The following ACOT11 variants were observed in gnomAD, a reference collection of about 807,000 sequenced individuals.
ACOT11 encodes acyl-CoA thioesterase 11, also known as acyl-coenzyme A thioesterase 11.
Under a neutral mutation model 77.5 loss-of-function variants are expected in ACOT11, and 69 were observed. That is an observed-to-expected ratio of 0.89 (90% CI 0.73 to 1.09). ACOT11 has a LOEUF of 1.09. Among genes scored for constraint, ACOT11 ranks in the 50% least tolerant of loss-of-function variants. ACOT11 has a pLI of 0.00. For synonymous variants in ACOT11, 279 were observed against 313.0 expected (o/e 0.89, Z 1.15); for missense variants, 766 against 813.7 (o/e 0.94, Z 0.71).
intron 1 of ACOT11, among the ~76,000 whole-genome samples, chr1:54,554,160 C>T (rs759974971): frequency 6.6e-6 from 1 of 150,754 alleles, no homozygotes; most frequent in Non-Finnish European, 1.5e-5. Flanking sequence ...AGAGCCAGAC[C>T]CTGTCACACA....
Position 54,628,601 on chromosome 1 carries a change from C to G in ACOT11, c.1630-2133C>G, listed in dbSNP as rs1013710846. ...CAGAGCAAGACCCCATCGCCCCCCC[C>G]CCCCAAAAAAGGAAAAAAGAAACCC... On this transcript the variant is annotated intron_variant, in intron 15 of 16. Transcript: ENST00000371316. Among the ~76,000 whole-genome samples the G allele has an allele frequency of 1.5e-4, 18 of 123,602 alleles. 3 individuals carry two copies. The highest frequency in any genetic ancestry group is 2.9e-4 in the South Asian group (1 of 3,414). The allele number at this position is 123,602 out of a possible 152,430, so 81.1% of individuals were successfully genotyped here.
rs1220165976 is a variant in ACOT11, at chr1:54,601,281, C to T, written c.897C>T (p.Gly299=). Residue 299 remains glycine (G), a synonymous_variant, in exon 9 of 16, where the codon GGC becomes GGT. Transcript: ENST00000343744. ...NNAFKHSMEV[G]VCVEAYRQEA... ...TCCCTCCCCTCAGCATGGAGGTGGG[C>T]GTGTGCGTGGAGGCCTATCGCCAGG... 8.1e-6 allele frequency: 13 copies of T among 1,611,346 alleles called. No individual in the cohort carries two copies. The highest frequency in any genetic ancestry group is 5.3e-5 in the African/African-American group (4 of 74,904).
intron 1 of ACOT11, among the ~76,000 whole-genome samples, chr1:54,579,949 C>T (rs1386203742): frequency 2.0e-5 from 3 of 152,168 alleles, no homozygotes; most frequent in Non-Finnish European, 4.4e-5. Flanking sequence ...GGGTCCCTCC[C>T]AGCTGTATTT....
intron 1 of ACOT11, among the ~76,000 whole-genome samples, chr1:54,578,025 C>A (rs1019244403): frequency 7.2e-5 from 11 of 152,226 alleles, no homozygotes; most frequent in African/African-American, 2.4e-4. Context: ...ATGCTTCCCC[C>A]TACCCAGGCT....
At chr1:54,615,932 GACT>G in intron 15 of ACOT11, 2 of 1,391,168 alleles carry the variant, frequency 1.4e-6, no homozygotes, top group Non-Finnish European at 2.0e-6. Context: ...GTCAGGGCTG[GACT>G]TGCTTCCCAG....
At chr1:54,608,918 C>T (rs1243284835) in intron 15 of ACOT11, 39 bp from the exon 16 acceptor site, 13 of 1,604,460 alleles carry the variant, frequency 8.1e-6, no homozygotes, top group Middle Eastern at 3.3e-4. Flanking sequence ...GGACCCTCCC[C>T]TAGCTTGGTC....
chr1:54,564,393 C>T (rs1178452133), intron 1 of ACOT11, among the ~76,000 whole-genome samples: 7 of 148,454 alleles, frequency 4.7e-5, no homozygotes, highest in African/African-American at 1.5e-4. Context: ...AGGTTGCCTG[C>T]GGGGGGTGGG....
In ACOT11 at chr1:54,629,042, G is replaced by C. The variant is rs1342640031; in HGVS notation, c.1630-1692G>C. ...CTGCCGCACTCCAGCCTGGGCGACA[G>C]AGCAAGACTCCGTCTCAAAAAAAAA... On this transcript the variant is annotated intron_variant, in intron 15 of 16. Transcript: ENST00000371316. 3.0e-5 allele frequency among the ~76,000 whole-genome samples: 3 copies of C among 101,426 alleles called. 1 individual carries two copies. The highest frequency in any genetic ancestry group is 1.0e-4 in the African/African-American group (3 of 30,048). 66.5% of individuals were successfully genotyped at this position (101,426 alleles called of 152,430 possible). A position where few individuals can be genotyped will look rare whatever the true frequency, so the allele number is the denominator to read the frequency against.
At chr1:54,610,398 A>C (rs898687109), downstream of ACOT11, 2 of 1,611,022 alleles carry the variant, frequency 1.2e-6, no homozygotes, top group African/African-American at 2.7e-5. Flanking sequence ...CCGGGGCTGA[A>C]GGGTAGACCT....
At chr1:54,617,018 T>C (rs747436991) in intron 15 of ACOT11, among the ~76,000 whole-genome samples, 9 of 152,194 alleles carry the variant, frequency 5.9e-5, no homozygotes, top group African/African-American at 9.6e-5. Flanking sequence ...GGGTCATTTT[T>C]AAAGCCCATG....
rs1654653524 is a variant in ACOT11, at chr1:54,590,078, ACT to A, written c.312-2465_312-2464del. On this transcript the variant is annotated intron_variant, in intron 3 of 15. Transcript: ENST00000343744. ...ACTCCAGCCTGGGCAATAGAGCGAG[ACT>A]CTGTCTCAAAAAAAAAAAAACAAAA... is the stretch of plus-strand genomic sequence containing the variant. Among the ~76,000 whole-genome samples the A allele has an allele frequency of 4.1e-5, 6 of 147,630 alleles. No homozygotes were observed. In the South Asian group the frequency reaches 1.3e-3, roughly 32 times the overall value.
intron 1 of ACOT11, among the ~76,000 whole-genome samples, chr1:54,552,241 T>C (rs1161624823): frequency 6.6e-6 from 1 of 152,176 alleles, no homozygotes; most frequent in East Asian, 1.9e-4. Context: ...CCCGTCTCTC[T>C]TGAGGACCCT....
intron 15 of ACOT11, among the ~76,000 whole-genome samples, chr1:54,622,577 A>T (rs1241742284): frequency 6.6e-6 from 1 of 151,976 alleles, no homozygotes; most frequent in Admixed American, 6.6e-5. Flanking sequence ...TCAAAAAAAA[A>T]AACCACAAAA....
At chr1:54,638,347 A>G (rs1644342515) in exon 17 of ACOT11, 1 of 152,218 alleles carries the variant, frequency 6.6e-6, no homozygotes, top group Non-Finnish European at 1.5e-5. Flanking sequence ...AAACAAAACT[A>G]AAGGAGTTTA....
At chr1:54,586,913 C>T (rs867662525) in intron 3 of ACOT11, among the ~76,000 whole-genome samples, 2 of 152,168 alleles carry the variant, frequency 1.3e-5, no homozygotes, top group Non-Finnish European at 2.9e-5. Flanking sequence ...TGTCTCTGGG[C>T]CTGATCCTAA....
intron 1 of ACOT11, among the ~76,000 whole-genome samples, chr1:54,579,231 C>T (rs1305479678): frequency 6.8e-6 from 1 of 146,312 alleles, no homozygotes; most frequent in Admixed American, 6.6e-5. Flanking sequence ...CCACTACTAC[C>T]CTTTTTTTTT....
chr1:54,604,906 G>A (rs56706535), intron 12 of ACOT11, among the ~76,000 whole-genome samples, 170 bp from the exon 13 acceptor site: 3,956 of 152,234 alleles, frequency 0.026, 76 homozygotes, highest in East Asian at 0.058. Flanking sequence ...GTCCATTTGT[G>A]CTGAATTCAT....
At chr1:54,625,068 G>C (rs950789772) in intron 15 of ACOT11, among the ~76,000 whole-genome samples, 16 of 137,790 alleles carry the variant, frequency 1.2e-4, no homozygotes, top group African/African-American at 3.6e-4. Flanking sequence ...GCTGTGGGCT[G>C]CTAGATGGAC....
At chr1:54,622,867 G>A (rs182502719) in intron 15 of ACOT11, among the ~76,000 whole-genome samples, 4 of 152,106 alleles carry the variant, frequency 2.6e-5, no homozygotes, top group Middle Eastern at 3.4e-3. Flanking sequence ...GGCTTGGTGG[G>A]GACGAGGGCT....
Sources: gnomAD v4.1 joint callset for allele counts (sites outside exome capture counted in the v4.1 genomes callset) on GRCh38, gnomAD v4.1.1 for gene constraint, MANE v1.5 for transcripts, NCBI Gene and HGNC (gene_info 2026-07-23, HGNC 2026-07-21) for gene names.